Variants in ANKHD1 observed in about 807,000 individuals in gnomAD.
ANKHD1 encodes the protein ankyrin repeat and KH domain-containing protein 1.
Under a neutral mutation model 230.5 loss-of-function variants are expected in ANKHD1, and 31 were observed. That is an observed-to-expected ratio of 0.13 (90% CI 0.10 to 0.18). ANKHD1 has a LOEUF of 0.18. Ranked by LOEUF, ANKHD1 falls within the 10% of genes least tolerant of loss-of-function variation. The pLI is 1.00. For synonymous variants in ANKHD1, 1,074 were observed against 1,117.6 expected (o/e 0.96, Z 0.78); for missense variants, 2,256 against 3,071.3 (o/e 0.73, Z 6.27).
intron 1 of ANKHD1, among the ~76,000 whole-genome samples, chr5:140,403,636 C>T (rs1263896861): frequency 6.6e-6 from 1 of 152,140 alleles, no homozygotes; most frequent in Non-Finnish European, 1.5e-5. Context: ...GTCTCGATCT[C>T]CTGACCTTGT....
At chr5:140,474,493 AAAAT>A (rs1356398189) in intron 10 of ANKHD1, among the ~76,000 whole-genome samples, 2 of 152,168 alleles carry the variant, frequency 1.3e-5, no homozygotes, top group Non-Finnish European at 2.9e-5. Context: ...TATTTTAAAT[AAAAT>A]AAACTTAATT....
chr5:140,525,852 ATTTC>A (rs1269578300), intron 25 of ANKHD1, 140 bp from the exon 26 acceptor site: 7 of 950,560 alleles, frequency 7.4e-6, no homozygotes, highest in Non-Finnish European at 7.2e-6. Context: ...AAAAAAAAAG[ATTTC>A]TTTATTTCTT....
At position 140,509,826 on chromosome 5, in the gene ANKHD1, T is replaced by G. The variant is rs765388723; in HGVS notation, c.3941+14T>G. 6.3e-7 allele frequency: 1 copy of G among 1,598,604 alleles called. No individual in the cohort carries two copies. The highest frequency in any genetic ancestry group is 1.2e-5 in the South Asian group (1 of 86,878). ...CCTGATTCATAGGTGAGTACTTTTC[T>G]ATTATATGTAGAACTTCTCATGGTC... On this transcript the variant is annotated intron_variant, in intron 21 of 33. Transcript: ENST00000360839.
At chr5:140,461,820 A>G (rs1331500058) in intron 9 of ANKHD1, among the ~76,000 whole-genome samples, 1 of 152,168 alleles carries the variant, frequency 6.6e-6, no homozygotes, top group African/African-American at 2.4e-5. Flanking sequence ...AATTTTAATG[A>G]GTTTCTTAGC....
chr5:140,479,729 T>G, intron 10 of ANKHD1, among the ~76,000 whole-genome samples: 1 of 79,562 alleles, frequency 1.3e-5, no homozygotes, highest in Non-Finnish European at 2.9e-5. Context: ...TATACATACA[T>G]AGGTATATAT....
chr5:140,490,435 C>T (rs1454546486), intron 14 of ANKHD1, among the ~76,000 whole-genome samples: 1 of 152,164 alleles, frequency 6.6e-6, no homozygotes, highest in Non-Finnish European at 1.5e-5. Context: ...GATTCATAAC[C>T]TCCCGATTTA....
chr5:140,462,568 A>G (rs1256268806), intron 9 of ANKHD1, among the ~76,000 whole-genome samples: 1 of 151,284 alleles, frequency 6.6e-6, no homozygotes, highest in Non-Finnish European at 1.5e-5. Context: ...ACTAAAAAAT[A>G]CAAAAAATTA....
Position 140,454,219 on chromosome 5 carries a change from T to G in ANKHD1, c.1243-4406T>G, listed in dbSNP as rs557295285. The stretch of plus-strand genomic sequence containing the variant: ...CACCCAGATTCATAAAGCAAGTCCT[T>G]AGAGACCTACAAAGAGACTTAGACT... On this transcript the variant is annotated intron_variant, in intron 7 of 33. Coordinates refer to ENST00000360839, the MANE Select transcript of ANKHD1 (RefSeq NM_017747.3). 5.3e-4 allele frequency among the ~76,000 whole-genome samples: 81 copies of G among 152,232 alleles called. 1 individual carries two copies. Among genetic ancestry groups the G allele is most frequent in the Middle Eastern group, 6.8e-3 (2 of 294 alleles).
intron 22 of ANKHD1, 124 bp from the exon 23 acceptor site, chr5:140,512,704 G>A (rs1230308842): frequency 5.5e-6 from 4 of 730,916 alleles, no homozygotes; most frequent in Non-Finnish European, 8.5e-6. Context: ...TTCTTAAATT[G>A]GTAGGCATAT....
At chr5:140,456,581 T>C (rs1775210490) in intron 7 of ANKHD1, among the ~76,000 whole-genome samples, 1 of 152,200 alleles carries the variant, frequency 6.6e-6, no homozygotes, top group Admixed American at 6.5e-5. Context: ...TCTGATCTTT[T>C]GACAAATCTG....
chr5:140,517,903 A>T (rs1439903193), intron 24 of ANKHD1, among the ~76,000 whole-genome samples: 2 of 150,646 alleles, frequency 1.3e-5, no homozygotes, highest in Non-Finnish European at 3.0e-5. Context: ...GAGCAAACAC[A>T]TTCAAAAGCT....
chr5:140,511,802 G>T (rs1428494935), intron 22 of ANKHD1, among the ~76,000 whole-genome samples: 1 of 152,190 alleles, frequency 6.6e-6, no homozygotes, highest in Non-Finnish European at 1.5e-5. Context: ...AACCCTAGAA[G>T]GTTCCCTCTT....
chr5:140,526,366 T>G lies in ANKHD1; in HGVS notation c.4863T>G (p.Asn1621Lys). 6.2e-7 allele frequency: 1 copy of G among 1,614,166 alleles called. No homozygotes were observed. The highest frequency in any genetic ancestry group is 1.3e-5 in the African/African-American group (1 of 75,042). ...AGTTAAATTTTGTGATGGATGTGAA[T>G]TCCTCTAAATACCCCTCACTGCTCC... is the stretch of plus-strand genomic sequence containing the variant. The part of the protein sequence containing the change: ...SQELNFVMDV[N>K]SSKYPSLLLH... Residue 1621 changes from asparagine (N) to lysine (K), a missense_variant, in exon 26 of 34, where the codon AAT becomes AAG. Asn to Lys is a moderately conservative substitution (Grantham distance 94). Transcript: ENST00000360839.
chr5:140,447,729 C>G (rs1034239503), intron 6 of ANKHD1, among the ~76,000 whole-genome samples: 1 of 152,120 alleles, frequency 6.6e-6, no homozygotes, highest in African/African-American at 2.4e-5. Flanking sequence ...TGGTTTGTAT[C>G]CACAAGGTTA....
chr5:140,482,056 T>A (rs1250791891), intron 10 of ANKHD1, among the ~76,000 whole-genome samples: 1 of 152,096 alleles, frequency 6.6e-6, no homozygotes, highest in Admixed American at 6.5e-5. Context: ...TGCCTTTGAC[T>A]ATTCAAGTAT....
chr5:140,427,032 T>C (rs1460721568), intron 1 of ANKHD1, among the ~76,000 whole-genome samples: 1 of 152,192 alleles, frequency 6.6e-6, no homozygotes, highest in Non-Finnish European at 1.5e-5. Flanking sequence ...AGCTGTTGGG[T>C]ACACCTCCCA....
intron 29 of ANKHD1, among the ~76,000 whole-genome samples, chr5:140,534,840 T>A (rs182210239): frequency 1.8e-4 from 27 of 152,354 alleles, no homozygotes; most frequent in Non-Finnish European, 8.8e-5. Context: ...ACTGTTGATA[T>A]TTTCTATCAG....
At chr5:140,471,763 C>G (rs1333376382) in intron 10 of ANKHD1, among the ~76,000 whole-genome samples, 6 of 152,114 alleles carry the variant, frequency 3.9e-5, no homozygotes, top group Non-Finnish European at 8.8e-5. Context: ...TTCTCAAGTT[C>G]TTTGAAGGTT....
In ANKHD1 at chr5:140,506,696, AT is replaced by A; in HGVS notation, c.3409-136del. On this transcript the variant is annotated intron_variant, in intron 18 of 33. Coordinates refer to ENST00000360839, the MANE Select transcript of ANKHD1 (RefSeq NM_017747.3). The surrounding 1 kb of genome is among the most constrained non-coding windows in gnomAD (Gnocchi z 4.7). ...ATTTCTCTAGTGTTGATATTTCAAT[AT>A]TTAGGGTCTAATGAAATGTAATTAA... 7.6e-7 allele frequency: 1 copy of A among 1,314,428 alleles called. No individual in the cohort carries two copies. The highest frequency in any genetic ancestry group is 1.0e-6 in the Non-Finnish European group (1 of 970,002). The allele number at this position is 1,314,428 out of a possible 1,614,324, so 81.4% of individuals were successfully genotyped here.
Sources: gnomAD v4.1 joint callset for allele counts (sites outside exome capture counted in the v4.1 genomes callset) on GRCh38, gnomAD v4.1.1 for gene constraint, Gnocchi (gnomAD v3.1) non-coding constraint, MANE v1.5 for transcripts, NCBI Gene and HGNC (gene_info 2026-07-23, HGNC 2026-07-21) for gene names.